Variants in ZFHX3 observed in about 807,000 individuals in gnomAD.
ZFHX3 encodes the protein zinc finger homeobox protein 3.
ZFHX3 carries 42 observed loss-of-function variants against 279.1 expected under a neutral mutation model. The observed-to-expected ratio is 0.15, with a 90% CI of 0.12 to 0.19. The LOEUF (loss-of-function observed/expected upper bound fraction) is 0.19, where lower values mean the gene tolerates loss of function less well. Among genes scored for constraint, ZFHX3 ranks in the 10% least tolerant of loss-of-function variants. The probability of loss-of-function intolerance (pLI) is 1.00; values close to 1 mark genes in which losing one functional copy is unlikely to be tolerated. For missense variants in ZFHX3, 4,981 were observed against 4,754.0 expected, an observed-to-expected ratio of 1.05 and a Z score of -1.40; for synonymous variants, 2,293 against 1,957.8, an observed-to-expected ratio of 1.17 and a Z score of -4.52.
intron 3 of ZFHX3, among the ~76,000 whole-genome samples, chr16:72,905,122 G>A (rs543860807): frequency 9.1e-4 from 139 of 152,270 alleles, no homozygotes; most frequent in African/African-American, 3.0e-3. Flanking sequence ...TTACAGGCAT[G>A]AGCCACTACA....
At chr16:72,900,147 A>C (rs968277131) in intron 3 of ZFHX3, among the ~76,000 whole-genome samples, 2 of 151,860 alleles carry the variant, frequency 1.3e-5, no homozygotes, top group South Asian at 4.2e-4. Context: ...AAAAAAAAAA[A>C]AAAAAAAACA....
At chr16:73,486,732 G>A (rs1274718928) in intron 2 of ZFHX3, 5 of 452,552 alleles carry the variant, frequency 1.1e-5, no homozygotes, top group Non-Finnish European at 1.8e-5. Context: ...GGTCTCTCTT[G>A]CTCATTTTTT....
chr16:73,682,890 G>GAAAGA (rs1490951610), intron 1 of ZFHX3, among the ~76,000 whole-genome samples: 1 of 46,128 alleles, frequency 2.2e-5, no homozygotes, highest in African/African-American at 8.9e-5. Context: ...AAGAAAGAAA[G>GAAAGA]AAAGAAAGAA....
At position 73,074,980 on chromosome 16, in the gene ZFHX3, T is replaced by TG. The variant is rs200113141; in HGVS notation, c.-532-15969_-532-15968insC. ...TGCCACCACACTCAGCTAATTTTTG[T>TG]TTTTTTTTGTAGAGACGGGGTTTTG... is the stretch of plus-strand genomic sequence containing the variant. On this transcript the variant is annotated intron_variant, in intron 8 of 17. Coordinates refer to the ZFHX3 transcript ENST00000641206. Among the ~76,000 whole-genome samples the TG allele has an allele frequency of 3.4e-5, 5 of 145,334 alleles. No individual in the cohort carries two copies. In the East Asian group the frequency reaches 1.2e-3, roughly 35 times the overall value.
intron 4 of ZFHX3, among the ~76,000 whole-genome samples, chr16:72,882,580 C>T (rs1032054867): frequency 4.6e-5 from 7 of 152,162 alleles, no homozygotes; most frequent in South Asian, 2.1e-4. Context: ...CGAGGCTGCA[C>T]GCTCAACCCA....
chr16:73,389,065 C>G (rs763757250), intron 3 of ZFHX3: 5 of 152,214 alleles, frequency 3.3e-5, no homozygotes, highest in African/African-American at 9.6e-5. Context: ...TGTGCAAAGA[C>G]GCGCATATGT....
intron 1 of ZFHX3, among the ~76,000 whole-genome samples, chr16:73,789,123 T>C (rs985451420): frequency 6.6e-6 from 1 of 151,470 alleles, no homozygotes; most frequent in Non-Finnish European, 1.5e-5. Context: ...ATATATGATA[T>C]CTATATGATA....
At chr16:73,045,803 A>AGGG (rs376697150) in intron 1 of ZFHX3, among the ~76,000 whole-genome samples, 3 of 114,180 alleles carry the variant, frequency 2.6e-5, no homozygotes, top group African/African-American at 1.2e-4. Context: ...AAAAAAAAAA[A>AGGG]GTGGGGGGGG....
intron 7 of ZFHX3, chr16:73,098,691 T>G (rs1191224234): frequency 2.0e-5 from 3 of 152,198 alleles, no homozygotes; most frequent in Non-Finnish European, 2.9e-5. Context: ...ATCACATTTT[T>G]TTTTTCATCT....
At chr16:73,246,886 C>T (rs1387422730) in intron 5 of ZFHX3, among the ~76,000 whole-genome samples, 1 of 152,242 alleles carries the variant, frequency 6.6e-6, no homozygotes, top group Non-Finnish European at 1.5e-5. Flanking sequence ...TATTTAGTGT[C>T]CCCAGAGGAA....
intron 1 of ZFHX3, among the ~76,000 whole-genome samples, chr16:73,057,441 TG>T (rs1431966205): frequency 6.7e-6 from 1 of 150,054 alleles, no homozygotes; most frequent in Non-Finnish European, 1.5e-5. Context: ...AAATGCATAA[TG>T]TAAAATTCAG....
intron 5 of ZFHX3, among the ~76,000 whole-genome samples, chr16:72,817,638 C>T (rs1165604105): frequency 6.6e-6 from 1 of 152,218 alleles, no homozygotes; most frequent in East Asian, 1.9e-4. Context: ...TGGCCAGAGG[C>T]CTCCCTCCCT....
intron 4 of ZFHX3, among the ~76,000 whole-genome samples, chr16:73,303,625 T>C (rs1365745232): frequency 6.6e-6 from 1 of 152,194 alleles, no homozygotes; most frequent in Non-Finnish European, 1.5e-5. Flanking sequence ...CTATTATCTG[T>C]ATAAGTCAAA....
intron 3 of ZFHX3, among the ~76,000 whole-genome samples, chr16:73,427,850 G>A (rs1355499973): frequency 6.6e-6 from 1 of 152,164 alleles, no homozygotes; most frequent in Admixed American, 6.5e-5. Context: ...GGCTGAGGCA[G>A]GAGAATCACT....
At chr16:73,219,349 C>G (rs939408595) in intron 5 of ZFHX3, among the ~76,000 whole-genome samples, 1 of 152,164 alleles carries the variant, frequency 6.6e-6, no homozygotes, top group Non-Finnish European at 1.5e-5. Flanking sequence ...TAAGTACTAG[C>G]ATGACAGGCA....
chr16:73,052,269 C>T (rs1375391775), upstream of ZFHX3, among the ~76,000 whole-genome samples: 1 of 151,454 alleles, frequency 6.6e-6, no homozygotes, highest in East Asian at 1.9e-4. Flanking sequence ...ACCAAAAGCA[C>T]TTTCACACGT....
At chr16:73,004,159 C>T (rs1164024783) in intron 1 of ZFHX3, among the ~76,000 whole-genome samples, 49 of 49,360 alleles carry the variant, frequency 9.9e-4, no homozygotes, top group African/African-American at 2.1e-3. Flanking sequence ...AAAAACACGA[C>T]TTTTTTTTTT....
At chr16:73,718,244 C>T (rs2053435258) in intron 1 of ZFHX3, among the ~76,000 whole-genome samples, 1 of 152,230 alleles carries the variant, frequency 6.6e-6, no homozygotes, top group South Asian at 2.1e-4. Context: ...AACCCTGTCT[C>T]TACAAATAAC....
chr16:73,156,584 C>A (rs924924106), intron 5 of ZFHX3, among the ~76,000 whole-genome samples: 1 of 152,186 alleles, frequency 6.6e-6, no homozygotes, highest in Non-Finnish European at 1.5e-5. Flanking sequence ...TAGACAGGGT[C>A]TCACTCTGTC....
Sources: gnomAD v4.1 joint callset for allele counts (sites outside exome capture counted in the v4.1 genomes callset) on GRCh38, gnomAD v4.1.1 for gene constraint, MANE v1.5 for transcripts, NCBI Gene and HGNC (gene_info 2026-07-23, HGNC 2026-07-21) for gene names.